Variants in PTPRO observed in about 807,000 individuals in gnomAD.
PTPRO encodes the protein protein tyrosine phosphatase receptor type O, also known as receptor-type tyrosine-protein phosphatase O.
Under a neutral mutation model 145.2 loss-of-function variants are expected in PTPRO, and 62 were observed. The ratio of observed to expected loss-of-function variants is 0.43; its 90% CI spans 0.35 to 0.53. The LOEUF is 0.53. Ranked by LOEUF, PTPRO falls within the 20% of genes least tolerant of loss-of-function variation. The probability of loss-of-function intolerance (pLI) is 0.01; values close to 1 mark genes in which losing one functional copy is unlikely to be tolerated. For missense variants in PTPRO, 1,345 were observed against 1,482.7 expected (o/e 0.91, Z 1.53); for synonymous variants, 565 against 514.7 (o/e 1.10, Z -1.32).
intron 1 of PTPRO, among the ~76,000 whole-genome samples, chr12:15,479,896 A>G (rs926850277): frequency 1.6e-4 from 24 of 152,156 alleles, no homozygotes; most frequent in African/African-American, 5.8e-4. Flanking sequence ...GAATGTGCGG[A>G]AAGACCAGGC....
At position 15,322,982 on chromosome 12, in the gene PTPRO, T is replaced by A. The variant is rs1482161208; in HGVS notation, c.75+181T>A. ...TCGCGTGTGCGTGTTCCTGGTGGTC[T>A]TGAGAGGTAGGGGGCGGGGGGAAGA... is the stretch of plus-strand genomic sequence containing the variant. On this transcript the variant is annotated intron_variant, in intron 1 of 26. Coordinates refer to ENST00000281171, the MANE Select transcript of PTPRO (RefSeq NM_030667.3). The surrounding 1 kb of genome is among the most constrained non-coding windows in gnomAD (Gnocchi z 6.3). Among the ~76,000 whole-genome samples the A allele has an allele frequency of 6.6e-6, 1 of 152,172 alleles. No homozygotes were observed. Among genetic ancestry groups the A allele is most frequent in the African/African-American group, 2.4e-5 (1 of 41,452 alleles).
intron 1 of PTPRO, among the ~76,000 whole-genome samples, chr12:15,371,640 C>T (rs189715276): frequency 6.2e-4 from 94 of 152,204 alleles, no homozygotes; most frequent in Admixed American, 9.8e-4. Context: ...GATTTTATTA[C>T]GTGTATATAC....
At chr12:15,454,369 A>G (rs900112989) in intron 1 of PTPRO, among the ~76,000 whole-genome samples, 6 of 152,206 alleles carry the variant, frequency 3.9e-5, no homozygotes, top group African/African-American at 1.4e-4. Flanking sequence ...TTCTTTAGAA[A>G]AAAATGTCTA....
intron 1 of PTPRO, among the ~76,000 whole-genome samples, chr12:15,471,145 G>A (rs1226230080): frequency 1.3e-5 from 2 of 152,168 alleles, no homozygotes; most frequent in Non-Finnish European, 2.9e-5. Flanking sequence ...TTGGGAAGCT[G>A]AGGTGGGCAG....
At chr12:15,522,741 C>T (rs141261523) in intron 10 of PTPRO, among the ~76,000 whole-genome samples, 8 of 152,094 alleles carry the variant, frequency 5.3e-5, no homozygotes, top group Non-Finnish European at 7.4e-5. Context: ...AGTAATTATG[C>T]GGAGGGGCCA....
intron 25 of PTPRO, 91 bp from the exon 26 acceptor site, chr12:15,594,846 A>G (rs537479008): frequency 1.1e-6 from 1 of 904,604 alleles, no homozygotes; most frequent in Non-Finnish European, 1.8e-6. Context: ...TTCCTTTAAC[A>G]CCAGATCTTG....
Position 15,480,721 on chromosome 12 carries a change from A to AGATGGATG in PTPRO, c.76-3216_76-3209dup, listed in dbSNP as rs58620856. ...CCCTCTGGCTATAAGCTGATGTAGA[A>AGATGGATG]GATGGATGGATGGATGGATGGATGG... On this transcript the variant is annotated intron_variant, in intron 1 of 26. Transcript: ENST00000281171. Among the ~76,000 whole-genome samples, 457 of 150,968 alleles carry AGATGGATG rather than the reference A, an allele frequency of 3.0e-3. 4 individuals are homozygous for AGATGGATG. The highest frequency in any genetic ancestry group is 8.6e-3 in the African/African-American group (351 of 41,034).
chr12:15,323,040 C>T (rs577850597), intron 1 of PTPRO, among the ~76,000 whole-genome samples: 2 of 152,366 alleles, frequency 1.3e-5, no homozygotes, highest in African/African-American at 4.8e-5. Context: ...GGCTTTCGCC[C>T]TTTGTGCTCT....
intron 18 of PTPRO, among the ~76,000 whole-genome samples, chr12:15,568,722 A>G (rs1405723570): frequency 6.6e-6 from 1 of 152,212 alleles, no homozygotes; most frequent in Non-Finnish European, 1.5e-5. Context: ...GGATGCAGAA[A>G]CATAGCTCAG....
chr12:15,371,406 T>C (rs1014163767), intron 1 of PTPRO, among the ~76,000 whole-genome samples: 2 of 152,160 alleles, frequency 1.3e-5, no homozygotes, highest in Non-Finnish European at 2.9e-5. Context: ...TAATATTTTG[T>C]ATTTTTAGTA....
intron 1 of PTPRO, among the ~76,000 whole-genome samples, chr12:15,422,882 C>T (rs1158021735): frequency 2.6e-5 from 4 of 152,248 alleles, no homozygotes; most frequent in East Asian, 3.9e-4. Flanking sequence ...GTCACATAAA[C>T]CAAAGACCAT....
intron 9 of PTPRO, among the ~76,000 whole-genome samples, chr12:15,519,857 A>G (rs1942677375): frequency 6.6e-6 from 1 of 152,188 alleles, no homozygotes; most frequent in African/African-American, 2.4e-5. Flanking sequence ...CTGAGTTGTG[A>G]GAGGTTACTT....
intron 1 of PTPRO, among the ~76,000 whole-genome samples, chr12:15,415,673 C>T (rs988278893): frequency 6.6e-6 from 1 of 151,824 alleles, no homozygotes; most frequent in Admixed American, 6.5e-5. Context: ...GCGTGAGCCA[C>T]TGTGCCCGGC....
At chr12:15,361,438 C>CAAAAAAAA (rs71042244) in intron 1 of PTPRO, among the ~76,000 whole-genome samples, 3 of 71,280 alleles carry the variant, frequency 4.2e-5, no homozygotes, top group Non-Finnish European at 8.0e-5. Context: ...GACTCAGTCT[C>CAAAAAAAA]AAAAAAAAAA....
intron 7 of PTPRO, among the ~76,000 whole-genome samples, chr12:15,510,998 C>T (rs1015084505): frequency 4.2e-4 from 16 of 37,952 alleles, no homozygotes; most frequent in Admixed American, 2.4e-3. Context: ...GAAACTCTGT[C>T]TCCACAAAAA....
chr12:15,577,647 T>C (rs1944215681), intron 19 of PTPRO, among the ~76,000 whole-genome samples: 2 of 152,204 alleles, frequency 1.3e-5, no homozygotes, highest in East Asian at 1.9e-4. Context: ...ATAAAATTTA[T>C]AACAAGTGAT....
chr12:15,443,990 A>C (rs1040041085), intron 1 of PTPRO, among the ~76,000 whole-genome samples: 1 of 127,468 alleles, frequency 7.8e-6, no homozygotes, highest in African/African-American at 2.9e-5. Flanking sequence ...TAATGAGTAT[A>C]TATCAAAAAA....
intron 1 of PTPRO, among the ~76,000 whole-genome samples, chr12:15,369,587 C>T (rs1938463182): frequency 6.6e-6 from 1 of 152,178 alleles, no homozygotes; most frequent in Non-Finnish European, 1.5e-5. Flanking sequence ...ACGTAAACTA[C>T]AAGTTTGTCA....
intron 1 of PTPRO, among the ~76,000 whole-genome samples, chr12:15,404,422 AT>A (rs1250881623): frequency 6.6e-6 from 1 of 152,140 alleles, no homozygotes; most frequent in East Asian, 1.9e-4. Context: ...TTGTCAGGCA[AT>A]TTCACATACT....
Sources: allele counts gnomAD v4.1 joint callset (sites outside exome capture counted in the v4.1 genomes callset), GRCh38; gene constraint gnomAD v4.1.1; non-coding constraint Gnocchi (gnomAD v3.1); transcripts MANE v1.5; gene names NCBI Gene and HGNC (gene_info 2026-07-23, HGNC 2026-07-21).